Variants in ACACA observed in about 807,000 individuals in gnomAD.
ACACA encodes the protein acetyl-CoA carboxylase alpha.
ACACA carries 103 observed loss-of-function variants against 296.1 expected under a neutral mutation model. The observed-to-expected ratio is 0.35, with a 90% CI of 0.30 to 0.41. The LOEUF (loss-of-function observed/expected upper bound fraction) is 0.41, where lower values mean the gene tolerates loss of function less well. Among genes scored for constraint, ACACA ranks in the 10% least tolerant of loss-of-function variants. The pLI, the probability that ACACA is intolerant of heterozygous loss-of-function variation, is 1.00. For missense variants in ACACA, 1,554 were observed against 2,989.7 expected (o/e 0.52, Z 11.20); for synonymous variants, 953 against 1,038.6 (o/e 0.92, Z 1.58).
chr17:37,283,161 G>T, intron 5 of ACACA, 106 bp downstream of exon 5: 1 of 1,338,550 alleles, frequency 7.5e-7, no homozygotes. Flanking sequence ...TTACTTGGAA[G>T]TCCTATGTTT....
intron 54 of ACACA, among the ~76,000 whole-genome samples, chr17:37,089,631 T>C (rs543588404): frequency 6.6e-6 from 1 of 152,298 alleles, no homozygotes; most frequent in South Asian, 2.1e-4. Flanking sequence ...GAGGGAAGTC[T>C]TGTTGCCAGG....
chr17:37,377,553 G>A (rs975813366), intron 1 of ACACA, among the ~76,000 whole-genome samples: 1 of 151,896 alleles, frequency 6.6e-6, no homozygotes, highest in Non-Finnish European at 1.5e-5. Context: ...CCAGCTACTC[G>A]GGAGGCTGAG....
intron 1 of ACACA, among the ~76,000 whole-genome samples, chr17:37,357,363 C>T (rs2049189125): frequency 6.6e-6 from 1 of 152,084 alleles, no homozygotes; most frequent in Non-Finnish European, 1.5e-5. Flanking sequence ...CGTAGTGGCG[C>T]ACGCGTGTAA....
rs1349144488 is a variant in ACACA, at chr17:37,151,370, G to C, written c.5499C>G (p.Asn1833Lys). The C allele has an allele frequency of 6.2e-7, 1 of 1,613,914 alleles. No individual in the cohort carries two copies. Among genetic ancestry groups the C allele is most frequent in the South Asian group, 1.1e-5 (1 of 91,072 alleles). Residue 1833 changes from asparagine (N) to lysine (K), a missense_variant, in exon 44 of 56, where the codon AAC becomes AAG. By Grantham distance (94) the Asn-to-Lys change is moderately conservative. Around this residue, in one of 16 missense-constraint regions of ACACA, gnomAD observed 553 missense variants for 1,043.6 expected, o/e 0.53. Transcript: ENST00000616317. The part of the protein sequence containing the change: ...IGKEEGIGPE[N>K]LRGSGMIAGE... ...CAGCAATCATTCCAGAACCTCGAAGGTTCTCGGGTCCAATTCCCTCTTCTT... is the reference window on the plus strand; with the variant it reads ...CAGCAATCATTCCAGAACCTCGAAGCTTCTCGGGTCCAATTCCCTCTTCTT...
At chr17:37,167,103 C>G (rs1480382722) in intron 41 of ACACA, among the ~76,000 whole-genome samples, 1 of 147,654 alleles carries the variant, frequency 6.8e-6, no homozygotes, top group Non-Finnish European at 1.5e-5. Context: ...TGCCACCAGG[C>G]CTGGCTAATT....
At chr17:37,141,968 G>C in intron 45 of ACACA, among the ~76,000 whole-genome samples, 1 of 151,570 alleles carries the variant, frequency 6.6e-6, no homozygotes, top group Non-Finnish European at 1.5e-5. Context: ...TGGGATTACA[G>C]GCATGAGCCA....
intron 3 of ACACA, among the ~76,000 whole-genome samples, chr17:37,290,911 T>C (rs1203353077): frequency 6.6e-6 from 1 of 151,630 alleles, no homozygotes; most frequent in East Asian, 1.9e-4. Flanking sequence ...TGAAACCCCA[T>C]CTCTAATAAA....
intron 3 of ACACA, chr17:37,299,177 A>G (rs190338005): frequency 2.4e-6 from 3 of 1,248,554 alleles, no homozygotes; most frequent in East Asian, 2.5e-5. Flanking sequence ...TTTTTTAAAG[A>G]TAGAAAAAAA....
At chr17:37,115,733 G>A (rs1221569418) in intron 50 of ACACA, among the ~76,000 whole-genome samples, 1 of 152,172 alleles carries the variant, frequency 6.6e-6, no homozygotes. Context: ...ATGAGTGTGT[G>A]TGTGTGATTT....
At chr17:37,104,226 G>A (rs541676077) in intron 52 of ACACA, among the ~76,000 whole-genome samples, 74 of 152,350 alleles carry the variant, frequency 4.9e-4, no homozygotes, top group Non-Finnish European at 8.4e-4. Context: ...TGGCTTAGGT[G>A]AAAGAGGGTG....
chr17:37,372,350 T>C (rs1373023970), intron 1 of ACACA, among the ~76,000 whole-genome samples: 2 of 151,058 alleles, frequency 1.3e-5, no homozygotes, highest in African/African-American at 4.9e-5. Context: ...GAGGCGGAGC[T>C]TGCAGTGAGC....
In ACACA at chr17:37,091,635, A is replaced by C. The variant is rs553518009; in HGVS notation, c.6892-2561T>G. Among the ~76,000 whole-genome samples the C allele has an allele frequency of 4.6e-5, 7 of 152,152 alleles. No homozygotes were observed. In the South Asian group the frequency reaches 1.5e-3, roughly 32 times the overall value. On this transcript the variant is annotated intron_variant, in intron 54 of 55. Transcript: ENST00000616317. ...CCTCCTGTTGCCCAGGCTGGAGTAC[A>C]GTGGCATGATCACAGCTCATTGCAG...
At chr17:37,327,820 A>C (rs1051585150) in intron 3 of ACACA, among the ~76,000 whole-genome samples, 1 of 152,118 alleles carries the variant, frequency 6.6e-6, no homozygotes, top group African/African-American at 2.4e-5. Flanking sequence ...GTTGTGTAGG[A>C]TTATCTACTA....
chr17:37,285,680 G>A (rs1033848786), intron 3 of ACACA, among the ~76,000 whole-genome samples: 4 of 133,110 alleles, frequency 3.0e-5, no homozygotes, highest in South Asian at 2.8e-4. Flanking sequence ...TGGCACAGTC[G>A]TGTGTTCCTG....
intron 11 of ACACA, among the ~76,000 whole-genome samples, chr17:37,260,336 G>C (rs2081454558): frequency 1.1e-5 from 1 of 92,608 alleles, no homozygotes; most frequent in African/African-American, 4.1e-5. Context: ...GTCTCGCTTT[G>C]TCACCCACCC....
At chr17:37,382,779 G>T (rs932364479) in intron 1 of ACACA, among the ~76,000 whole-genome samples, 9 of 152,196 alleles carry the variant, frequency 5.9e-5, no homozygotes, top group African/African-American at 1.9e-4. Context: ...AGAATAGCTT[G>T]AACCCAGGAT....
chr17:37,269,659 G>A (rs969529154), intron 10 of ACACA, among the ~76,000 whole-genome samples: 2 of 151,586 alleles, frequency 1.3e-5, no homozygotes, highest in African/African-American at 4.9e-5. Flanking sequence ...GAAATTTTAA[G>A]TTGGGGACCA....
intron 3 of ACACA, among the ~76,000 whole-genome samples, chr17:37,328,458 G>A (rs1568002346): frequency 1.3e-5 from 2 of 152,078 alleles, no homozygotes; most frequent in Admixed American, 6.6e-5. Flanking sequence ...AAAAGTGTTA[G>A]GCTAAATTAT....
rs1292143550 is a variant in ACACA, at chr17:37,260,278, ATATATATATATATATATATT to A, written c.1330-768_1330-749del. Among the ~76,000 whole-genome samples, 12 of 31,202 alleles carry A rather than the reference ATATATATATATATATATATT, an allele frequency of 3.8e-4. No individual in the cohort carries two copies. The East Asian group carries it at 0.014, about 37-fold the overall frequency. 20.5% of individuals were successfully genotyped at this position (31,202 alleles called of 152,430 possible). A position where few individuals can be genotyped will look rare whatever the true frequency, so the allele number is the denominator to read the frequency against. On this transcript the variant is annotated intron_variant, in intron 11 of 55. Transcript: ENST00000616317. Reference sequence around the variant, plus strand: ...TATATATATATATATATATATATATATATATATATATATATATATTTTTTTTTTTTTTTTTTTTGGAGATG... The same window carrying A: ...TATATATATATATATATATATATATATTTTTTTTTTTTTTTTTTGGAGATG...
Sources: allele counts gnomAD v4.1 joint callset (sites outside exome capture counted in the v4.1 genomes callset), GRCh38; gene constraint gnomAD v4.1.1; regional missense constraint gnomAD v4.1.1; transcripts MANE v1.5; gene names NCBI Gene and HGNC (gene_info 2026-07-23, HGNC 2026-07-21).